EEFSEC: variants seen among roughly 807,000 people sequenced by gnomAD.
The protein encoded by EEFSEC is selenocysteine-specific elongation factor.
EEFSEC carries 43 observed loss-of-function variants against 42.1 expected under a neutral mutation model. The observed-to-expected ratio is 1.02, with a 90% confidence interval of 0.80 to 1.32. The LOEUF is 1.32. EEFSEC is among the 40% of genes most tolerant of loss of function. EEFSEC has a pLI of 0.00. For missense variants in EEFSEC, 745 were observed against 803.6 expected, an observed-to-expected ratio of 0.93 and a Z score of 0.88; for synonymous variants, 354 against 339.1, an observed-to-expected ratio of 1.04 and a Z score of -0.48.
intron 5 of EEFSEC, among the ~76,000 whole-genome samples, chr3:128,355,056 G>A (rs1257854152): frequency 1.3e-5 from 2 of 152,240 alleles, no homozygotes; most frequent in African/African-American, 4.8e-5. Context: ...CTTGAGTAAT[G>A]TATTTCTACC....
chr3:128,262,901 C>T (rs1032623361), intron 3 of EEFSEC, among the ~76,000 whole-genome samples: 1 of 152,118 alleles, frequency 6.6e-6, no homozygotes, highest in African/African-American at 2.4e-5. Context: ...ACAGTTCAGC[C>T]GGGTGGAGTA....
chr3:128,236,136 C>T (rs758548341), intron 1 of EEFSEC, among the ~76,000 whole-genome samples: 60 of 152,278 alleles, frequency 3.9e-4, no homozygotes, highest in Non-Finnish European at 7.2e-4. Flanking sequence ...ACACCCCATC[C>T]GGCTAATTTT....
intron 1 of EEFSEC, among the ~76,000 whole-genome samples, chr3:128,154,120 A>C (rs957644473): frequency 6.6e-6 from 1 of 152,034 alleles, no homozygotes; most frequent in Non-Finnish European, 1.5e-5. Flanking sequence ...TACATGGTCA[A>C]GTAAAGAAAA....
chr3:128,307,034 A>T lies in EEFSEC; in HGVS notation c.787-34199A>T, dbSNP rs547274873. 1.4e-4 allele frequency among the ~76,000 whole-genome samples: 21 copies of T among 152,376 alleles called. No individual in the cohort carries two copies. The South Asian group carries it at 3.3e-3, about 24-fold the overall frequency. On this transcript the variant is annotated intron_variant, in intron 4 of 6. Transcript: ENST00000254730. ...CACTTTTGGACTTAATTGGAACCAGACTGCAGGGGGCTCAAGGGTCAGGCT... is the reference window on the plus strand; with the variant it reads ...CACTTTTGGACTTAATTGGAACCAGTCTGCAGGGGGCTCAAGGGTCAGGCT...
intron 6 of EEFSEC, among the ~76,000 whole-genome samples, chr3:128,398,464 G>A (rs1266197262): frequency 6.6e-6 from 1 of 152,188 alleles, no homozygotes; most frequent in East Asian, 1.9e-4. Context: ...CTGAGTGGTT[G>A]TGAGGGACTG....
intron 1 of EEFSEC, among the ~76,000 whole-genome samples, chr3:128,219,814 C>T (rs933707547): frequency 1.3e-5 from 2 of 151,322 alleles, no homozygotes; most frequent in Admixed American, 6.6e-5. Flanking sequence ...AAATGAATAT[C>T]GAAAGAGTGC....
intron 6 of EEFSEC, among the ~76,000 whole-genome samples, chr3:128,364,610 G>A (rs950660175): frequency 6.6e-6 from 1 of 152,194 alleles, no homozygotes; most frequent in South Asian, 2.1e-4. Flanking sequence ...TACACAGTGG[G>A]CATGTGAATT....
At chr3:128,307,585 T>C (rs1284351451) in intron 4 of EEFSEC, among the ~76,000 whole-genome samples, 2 of 152,228 alleles carry the variant, frequency 1.3e-5, no homozygotes, top group Non-Finnish European at 2.9e-5. Flanking sequence ...CAGTAGGGGT[T>C]CAGCGAATAT....
At chr3:128,178,348 G>A (rs369440807) in intron 1 of EEFSEC, among the ~76,000 whole-genome samples, 1 of 152,262 alleles carries the variant, frequency 6.6e-6, no homozygotes. Flanking sequence ...TAAGTAACTT[G>A]TATTTTGGGG....
At chr3:128,281,526 T>C (rs1224787722) in intron 4 of EEFSEC, among the ~76,000 whole-genome samples, 4 of 152,188 alleles carry the variant, frequency 2.6e-5, no homozygotes, top group African/African-American at 9.7e-5. Context: ...GACATGAAGA[T>C]ACCAGCCTCT....
chr3:128,225,266 C>G (rs376467892), intron 1 of EEFSEC, among the ~76,000 whole-genome samples: 1 of 151,986 alleles, frequency 6.6e-6, no homozygotes, highest in East Asian at 1.9e-4. Flanking sequence ...GGGCTGGATG[C>G]CACAGTGAGG....
chr3:128,264,702 G>A lies in EEFSEC; in HGVS notation c.707G>A (p.Gly236Asp). The stretch of plus-strand genomic sequence containing the variant: ...GTGGACCACTGTTTCTCCATCAAAG[G>A]CCAAGGCACTGTGATGACAGGGACC... ...MSVDHCFSIK[G>D]QGTVMTGTIL... is the part of the protein sequence containing the mutation. The change falls in exon 4 of 7, where the codon GGC becomes GAC. Residue 236 changes from glycine (G) to aspartate (D), a missense_variant. Coordinates refer to ENST00000254730, the MANE Select transcript of EEFSEC (RefSeq NM_021937.5). 6.2e-7 allele frequency: 1 copy of A among 1,614,064 alleles called. No homozygotes were observed. Among genetic ancestry groups the A allele is most frequent in the Non-Finnish European group, 8.5e-7 (1 of 1,179,972 alleles).
chr3:128,268,826 G>A (rs1178041761), intron 4 of EEFSEC, among the ~76,000 whole-genome samples: 2 of 152,148 alleles, frequency 1.3e-5, no homozygotes, highest in Admixed American at 6.5e-5. Flanking sequence ...CTGACACGTC[G>A]ATTTGGACTT....
At chr3:128,415,936 G>C in the EEFSEC span, among the ~76,000 whole-genome samples, 1 of 152,248 alleles carries the variant, frequency 6.6e-6, no homozygotes, top group East Asian at 1.9e-4. Context: ...GGGGGAAGTG[G>C]CTGCTGCCAG....
intron 5 of EEFSEC, among the ~76,000 whole-genome samples, chr3:128,350,434 G>A (rs1045063336): frequency 2.0e-5 from 3 of 152,200 alleles, no homozygotes; most frequent in Non-Finnish European, 4.4e-5. Context: ...CCTGCCAGAG[G>A]GTTGAAGGCC....
intron 6 of EEFSEC, among the ~76,000 whole-genome samples, chr3:128,374,591 G>T (rs6801556): frequency 1.3e-5 from 2 of 151,960 alleles, no homozygotes; most frequent in Non-Finnish European, 2.9e-5. Context: ...GCTCAATAAA[G>T]GCACACTGAA....
intron 6 of EEFSEC, among the ~76,000 whole-genome samples, chr3:128,382,505 G>T (rs1217232001): frequency 6.6e-6 from 1 of 152,190 alleles, no homozygotes; most frequent in Non-Finnish European, 1.5e-5. Flanking sequence ...TGACAGGGGG[G>T]AGGTGAGTGA....
chr3:128,224,157 G>C (rs901751818), intron 1 of EEFSEC, among the ~76,000 whole-genome samples: 3 of 152,080 alleles, frequency 2.0e-5, no homozygotes, highest in African/African-American at 7.2e-5. Context: ...GCTTAAGCCT[G>C]GATTTCCCAA....
intron 6 of EEFSEC, among the ~76,000 whole-genome samples, chr3:128,398,813 T>C (rs527675258): frequency 1.3e-5 from 2 of 152,178 alleles, no homozygotes; most frequent in East Asian, 3.9e-4. Context: ...GCACTAGGAA[T>C]GCACCTCACG....
Sources: gnomAD v4.1 joint callset for allele counts (sites outside exome capture counted in the v4.1 genomes callset) on GRCh38, gnomAD v4.1.1 for gene constraint, MANE v1.5 for transcripts, NCBI Gene and HGNC (gene_info 2026-07-23, HGNC 2026-07-21) for gene names.